Variants in DNAH11 observed in about 807,000 individuals in gnomAD.
DNAH11 encodes the protein axonemal beta dynein heavy chain 11.
In DNAH11, 442 loss-of-function variants were observed where a neutral mutation model predicts 526.0. The ratio of observed to expected loss-of-function variants is 0.84; its 90% CI spans 0.78 to 0.91. The LOEUF is 0.91. DNAH11 is among the 40% of genes least tolerant of loss of function. The pLI, the probability that DNAH11 is intolerant of heterozygous loss-of-function variation, is 0.00. For synonymous variants in DNAH11, 2,461 were observed against 1,935.9 expected (o/e 1.27, Z -7.12); for missense variants, 6,989 against 5,448.7 (o/e 1.28, Z -8.90).
chr7:21,816,012 C>T (rs1000617909), intron 63 of DNAH11, among the ~76,000 whole-genome samples: 2 of 151,978 alleles, frequency 1.3e-5, no homozygotes, highest in African/African-American at 4.8e-5. Flanking sequence ...TTAATCCATC[C>T]CAGAGAGATA....
At chr7:21,551,319 G>T (rs1162107614) in intron 2 of DNAH11, among the ~76,000 whole-genome samples, 1 of 152,186 alleles carries the variant, frequency 6.6e-6, no homozygotes, top group Non-Finnish European at 1.5e-5. Context: ...CTTGTTTCCT[G>T]TAGGTTCTAT....
In DNAH11 at chr7:21,711,829, T is replaced by TATG. The variant is rs1562503292; in HGVS notation, c.6953_6955dup (p.Tyr2318_Val2319insAsp). 6.2e-7 allele frequency: 1 copy of TATG among 1,613,698 alleles called. No homozygotes were observed. The highest frequency in any genetic ancestry group is 2.2e-5 in the East Asian group (1 of 44,876). ...CACTGTTTCCAGAGCTGGTATTCTG[T>TATG]ATGTGAACCCACAAGATCTGGGCTG... is the stretch of plus-strand genomic sequence containing the variant. On this transcript the variant is annotated inframe_insertion, in exon 42 of 82. Transcript: ENST00000409508.
At chr7:21,666,574 T>C (rs946079698) in intron 30 of DNAH11, among the ~76,000 whole-genome samples, 1 of 152,068 alleles carries the variant, frequency 6.6e-6, no homozygotes, top group Non-Finnish European at 1.5e-5. Context: ...AGTATACATA[T>C]AAGAAAGAGA....
Position 21,852,627 on chromosome 7 carries a change from A to G in DNAH11, c.11057A>G (p.His3686Arg), listed in dbSNP as rs2128024175. The change falls in exon 67 of 82, where the codon CAC becomes CGC. Residue 3686 changes from histidine (H) to arginine (R), a missense_variant. His to Arg is a conservative substitution (Grantham distance 29, BLOSUM62 0). Coordinates refer to ENST00000409508, the MANE Select transcript of DNAH11 (RefSeq NM_001277115.2). Reference protein sequence around the residue: ...ATKTTVAEIEHKVIEAKENER... With the variant: ...ATKTTVAEIERKVIEAKENER... ...AAGACCACCGTGGCAGAGATAGAGC[A>G]CAAGGTAGGAAGGGCAGAGGGTGCC... 2 of 1,588,274 alleles carry G rather than the reference A, an allele frequency of 1.3e-6. No individual in the cohort carries two copies. Among genetic ancestry groups the G allele is most frequent in the East Asian group, 2.2e-5 (1 of 44,614 alleles).
At chr7:21,712,983 A>C (rs989072072) in intron 42 of DNAH11, among the ~76,000 whole-genome samples, 5 of 152,230 alleles carry the variant, frequency 3.3e-5, no homozygotes, top group African/African-American at 9.7e-5. Context: ...GAACACTTAC[A>C]TAAAAAGAAA....
chr7:21,895,708 T>G (rs1314306772), intron 79 of DNAH11, among the ~76,000 whole-genome samples: 1 of 152,144 alleles, frequency 6.6e-6, no homozygotes, highest in Non-Finnish European at 1.5e-5. Context: ...GGAGACTCTT[T>G]ACATTGTAGC....
intron 30 of DNAH11, among the ~76,000 whole-genome samples, chr7:21,665,873 G>C (rs1253348417): frequency 6.6e-6 from 1 of 152,050 alleles, no homozygotes; most frequent in African/African-American, 2.4e-5. Context: ...TTTGAATTCT[G>C]CTAAGCTGTG....
intron 65 of DNAH11, among the ~76,000 whole-genome samples, chr7:21,826,454 T>C (rs1383225402): frequency 6.6e-6 from 1 of 152,194 alleles, no homozygotes; most frequent in Admixed American, 6.5e-5. Flanking sequence ...TTGCTATGTA[T>C]TCATTTAATA....
Position 21,748,649 on chromosome 7 carries a change from C to G in DNAH11, c.8580C>G (p.Gly2860=), listed in dbSNP as rs371037594. 1.9e-6 allele frequency: 3 copies of G among 1,613,242 alleles called. No individual in the cohort carries two copies. The highest frequency in any genetic ancestry group is 2.5e-6 in the Non-Finnish European group (3 of 1,179,508). The change falls in exon 52 of 82, where the codon GGC becomes GGG. Residue 2860 remains glycine (G), a synonymous_variant. Transcript: ENST00000409508. ...TCTTGGTTGGAGTTGGGGGCAGTGG[C>G]AAGCAGAGCTTGTCCAGGCTGGCAG... is the stretch of plus-strand genomic sequence containing the variant. ...CALLVGVGGS[G]KQSLSRLAAY...
chr7:21,883,400 G>C (rs952368041), intron 75 of DNAH11, among the ~76,000 whole-genome samples: 2 of 152,150 alleles, frequency 1.3e-5, no homozygotes, highest in African/African-American at 2.4e-5. Context: ...TAGGTACAGT[G>C]ATTTCTTGAA....
At chr7:21,622,646 C>G (rs1241278128) in intron 25 of DNAH11, among the ~76,000 whole-genome samples, 1 of 152,034 alleles carries the variant, frequency 6.6e-6, no homozygotes, top group Non-Finnish European at 1.5e-5. Flanking sequence ...CAGAACAGAG[C>G]CCTCAGAAAT....
chr7:21,615,957 T>C (rs1194344219), intron 21 of DNAH11, among the ~76,000 whole-genome samples: 1 of 152,186 alleles, frequency 6.6e-6, no homozygotes, highest in Non-Finnish European at 1.5e-5. Context: ...GTGATAATGA[T>C]GGTATGTGTA....
chr7:21,661,638 A>C (rs1290664704), intron 30 of DNAH11, among the ~76,000 whole-genome samples: 1 of 152,014 alleles, frequency 6.6e-6, no homozygotes, highest in Non-Finnish European at 1.5e-5. Context: ...ATTAAGAAGA[A>C]AGAGGAATCC....
At chr7:21,717,729 T>A (rs767051991) in intron 42 of DNAH11, 46 bp from the exon 43 acceptor site, 64 of 1,608,662 alleles carry the variant, frequency 4.0e-5, no homozygotes, top group Non-Finnish European at 5.4e-5. Flanking sequence ...AAATTCTGCT[T>A]TTCAAGCCTA....
chr7:21,756,467 G>A (rs1162324967), intron 54 of DNAH11, among the ~76,000 whole-genome samples: 1 of 152,044 alleles, frequency 6.6e-6, no homozygotes, highest in Non-Finnish European at 1.5e-5. Context: ...ATCTAGTAGA[G>A]CAAGATCACC....
chr7:21,764,137 C>T (rs1787060042), intron 54 of DNAH11, among the ~76,000 whole-genome samples: 2 of 152,252 alleles, frequency 1.3e-5, no homozygotes, highest in African/African-American at 4.8e-5. Flanking sequence ...TTACAGTTAA[C>T]AATCCTGTAT....
At chr7:21,601,288 T>C in intron 17 of DNAH11, 108 bp from the exon 18 acceptor site, 1 of 1,442,236 alleles carries the variant, frequency 6.9e-7, no homozygotes, top group Non-Finnish European at 9.3e-7. Context: ...TAGAGATAAA[T>C]GTTTAATCAG....
Position 21,742,163 on chromosome 7 carries a change from C to T in DNAH11, c.8151C>T (p.Phe2717=), listed in dbSNP as rs111301826. ...ATCTGAGAGATTTATCAAACGTCTT[C>T]CAGGTACCTTGACTGCTCTATGTTA... The part of the protein sequence containing the change: ...IFNLRDLSNV[F]QGILFASPEC... Residue 2717 remains phenylalanine (F), a synonymous_variant, in exon 49 of 82, where the codon TTC becomes TTT. Transcript: ENST00000409508. The T allele has an allele frequency of 2.5e-4, 408 of 1,613,576 alleles. 2 individuals are homozygous for T. The African/African-American group carries it at 4.6e-3, about 18-fold the overall frequency.
intron 55 of DNAH11, among the ~76,000 whole-genome samples, chr7:21,773,424 T>C (rs1787523519): frequency 6.6e-6 from 1 of 152,102 alleles, no homozygotes; most frequent in Non-Finnish European, 1.5e-5. Context: ...CAGAAATATT[T>C]CTCAGGATAT....
Sources: gnomAD v4.1 joint callset for allele counts (sites outside exome capture counted in the v4.1 genomes callset) on GRCh38, gnomAD v4.1.1 for gene constraint, MANE v1.5 for transcripts, NCBI Gene and HGNC (gene_info 2026-07-23, HGNC 2026-07-21) for gene names.